The following COG5 variants were observed in gnomAD, a reference collection of about 807,000 sequenced individuals.
COG5 encodes conserved oligomeric Golgi complex subunit 5.
Under a neutral mutation model 110.4 loss-of-function variants are expected in COG5, and 86 were observed. The observed-to-expected ratio is 0.78, with a 90% CI of 0.65 to 0.93. COG5 has a LOEUF of 0.93. COG5 is among the 40% of genes least tolerant of loss of function. The pLI is 0.00. For missense variants in COG5, 1,077 were observed against 987.0 expected (o/e 1.09, Z -1.22); for synonymous variants, 360 against 334.6 (o/e 1.08, Z -0.83).
chr7:107,348,637 T>G (rs1201025281), intron 10 of COG5, among the ~76,000 whole-genome samples: 1 of 152,162 alleles, frequency 6.6e-6, no homozygotes, highest in Non-Finnish European at 1.5e-5. Flanking sequence ...ACAGAAAATA[T>G]GCAGGAATAG....
intron 20 of COG5, 66 bp from the exon 21 acceptor site, chr7:107,210,671 G>T (rs1799099894): frequency 6.7e-7 from 1 of 1,497,474 alleles, no homozygotes; most frequent in Non-Finnish European, 9.1e-7. Flanking sequence ...AGCAAGTGCT[G>T]GTTCGAAAAG....
At chr7:107,339,085 T>C (rs1285126377) in intron 10 of COG5, among the ~76,000 whole-genome samples, 3 of 151,982 alleles carry the variant, frequency 2.0e-5, no homozygotes, top group Admixed American at 6.6e-5. Flanking sequence ...GAATTGCAAA[T>C]TGGGTAAAAC....
Position 107,503,932 on chromosome 7 carries a change from A to G in COG5, c.538+23305T>C, listed in dbSNP as rs549179666. On this transcript the variant is annotated intron_variant, in intron 6 of 21. Coordinates refer to ENST00000297135, the MANE Select transcript of COG5 (RefSeq NM_006348.5). ...TTTTCATGTATACAATCACATCATC[A>G]GTGAACAGTGATAGTTTGACTTTCT... 2.7e-5 allele frequency among the ~76,000 whole-genome samples: 4 copies of G among 146,498 alleles called. 1 individual carries two copies. In the South Asian group the frequency reaches 8.5e-4, roughly 31 times the overall value.
intron 6 of COG5, among the ~76,000 whole-genome samples, chr7:107,488,724 G>A (rs963047359): frequency 5.3e-5 from 8 of 152,060 alleles, no homozygotes; most frequent in African/African-American, 1.7e-4. Flanking sequence ...GTGCACGCCT[G>A]TAGTACCAAC....
intron 16 of COG5, among the ~76,000 whole-genome samples, chr7:107,252,141 A>G (rs922984835): frequency 2.6e-5 from 4 of 152,158 alleles, no homozygotes; most frequent in Non-Finnish European, 5.9e-5. Flanking sequence ...GGATCCCTTG[A>G]GCCCAGAAGT....
intron 6 of COG5, among the ~76,000 whole-genome samples, chr7:107,424,886 A>C (rs1450610824): frequency 6.6e-6 from 1 of 152,176 alleles, no homozygotes; most frequent in Non-Finnish European, 1.5e-5. Context: ...CTCAGGTCCA[A>C]GCACTCCAAA....
intron 7 of COG5, among the ~76,000 whole-genome samples, chr7:107,384,368 G>T (rs1815385701): frequency 6.6e-6 from 1 of 152,180 alleles, no homozygotes; most frequent in African/African-American, 2.4e-5. Context: ...CAACCTGCCT[G>T]CCCACTGAGG....
At chr7:107,224,287 TC>T (rs1370780735) in intron 19 of COG5, among the ~76,000 whole-genome samples, 4 of 152,168 alleles carry the variant, frequency 2.6e-5, no homozygotes, top group African/African-American at 7.2e-5. Flanking sequence ...GTTTGGAATT[TC>T]AATCAACAGA....
chr7:107,344,219 T>C (rs1811408395), intron 10 of COG5, among the ~76,000 whole-genome samples: 1 of 152,220 alleles, frequency 6.6e-6, no homozygotes, highest in Admixed American at 6.5e-5. Context: ...TGTAGCTACC[T>C]TCATTGATGA....
At chr7:107,206,047 G>A (rs866462973) in intron 21 of COG5, among the ~76,000 whole-genome samples, 24 of 151,076 alleles carry the variant, frequency 1.6e-4, no homozygotes, top group Non-Finnish European at 3.4e-4. Flanking sequence ...TGCAAGCTCC[G>A]CCTCCTGGGT....
intron 11 of COG5, among the ~76,000 whole-genome samples, chr7:107,319,690 A>G (rs1041473311): frequency 6.6e-5 from 10 of 152,216 alleles, no homozygotes; most frequent in African/African-American, 2.4e-4. Flanking sequence ...AGTCCATTAA[A>G]TGACCTTTTT....
chr7:107,414,352 A>C (rs1021187259), intron 6 of COG5, among the ~76,000 whole-genome samples: 1 of 152,184 alleles, frequency 6.6e-6, no homozygotes, highest in Non-Finnish European at 1.5e-5. Flanking sequence ...GTAGCAGGAA[A>C]TGAAACTAAT....
intron 1 of COG5, among the ~76,000 whole-genome samples, chr7:107,562,812 TATTTC>T (rs1282086176): frequency 1.3e-5 from 2 of 152,210 alleles, no homozygotes; most frequent in Non-Finnish European, 2.9e-5. Flanking sequence ...TTTGGAACTT[TATTTC>T]ATTTATTACC....
At chr7:107,349,517 C>T (rs1243939238) in intron 10 of COG5, among the ~76,000 whole-genome samples, 6 of 150,862 alleles carry the variant, frequency 4.0e-5, no homozygotes, top group Admixed American at 2.6e-4. Context: ...TCTCCTGCCT[C>T]GGCCTCCAGA....
chr7:107,543,844 G>C (rs1364987505), intron 5 of COG5, among the ~76,000 whole-genome samples: 1 of 152,140 alleles, frequency 6.6e-6, no homozygotes, highest in East Asian at 1.9e-4. Flanking sequence ...TCCTCTGGCA[G>C]AGCCAGGGTC....
At position 107,496,026 on chromosome 7, in the gene COG5, C is replaced by T. The variant is rs1798253120; in HGVS notation, c.538+31211G>A. ...TGAACTCCTGAGCTCAAACGATCCT[C>T]CCACCTTAGCCTCCTGAGTACCTGA... On this transcript the variant is annotated intron_variant, in intron 6 of 21. Coordinates refer to ENST00000297135, the MANE Select transcript of COG5 (RefSeq NM_006348.5). Among the ~76,000 whole-genome samples the T allele has an allele frequency of 2.0e-5, 3 of 151,760 alleles. No homozygotes were observed. In the South Asian group the frequency reaches 6.2e-4, roughly 32 times the overall value.
At chr7:107,304,597 C>T (rs1807550291) in intron 11 of COG5, among the ~76,000 whole-genome samples, 1 of 152,176 alleles carries the variant, frequency 6.6e-6, no homozygotes, top group Admixed American at 6.5e-5. Flanking sequence ...TAAGGCTTCA[C>T]AGGACAGCTC....
chr7:107,514,106 A>G (rs1799746207), intron 6 of COG5, among the ~76,000 whole-genome samples: 1 of 152,110 alleles, frequency 6.6e-6, no homozygotes, highest in Non-Finnish European at 1.5e-5. Flanking sequence ...GTGTTAATAT[A>G]TTGCAGCTAG....
intron 14 of COG5, among the ~76,000 whole-genome samples, chr7:107,278,522 T>G (rs1404311605): frequency 6.6e-6 from 1 of 152,174 alleles, no homozygotes; most frequent in East Asian, 1.9e-4. Context: ...TATGCAGTGT[T>G]TGGTTTTCTG....
Sources: gnomAD v4.1 joint callset for allele counts (sites outside exome capture counted in the v4.1 genomes callset) on GRCh38, gnomAD v4.1.1 for gene constraint, MANE v1.5 for transcripts, NCBI Gene and HGNC (gene_info 2026-07-23, HGNC 2026-07-21) for gene names.